The following SNED1 variants were observed in gnomAD, a reference collection of about 807,000 sequenced individuals.
SNED1 encodes sushi, nidogen and EGF like domains 1.
Under a neutral mutation model 166.7 loss-of-function variants are expected in SNED1, and 81 were observed. The ratio of observed to expected loss-of-function variants is 0.49; its 90% CI spans 0.41 to 0.58. The LOEUF (loss-of-function observed/expected upper bound fraction) is 0.58. SNED1 is among the 20% of genes least tolerant of loss of function. The pLI is 0.00. For missense variants in SNED1, 1,604 were observed against 2,000.2 expected (o/e 0.80, Z 3.78); for synonymous variants, 762 against 822.0 (o/e 0.93, Z 1.25).
rs150923118 is a variant in SNED1 at position 240,999,609 on chromosome 2, T to C, written c.213+559T>C. Reference sequence around the variant, plus strand: ...GGCGGGCTAGCAACAGGCTTGCCCCTCCCTGCCGTCCTCTCCGCAGTCTGG... The same window carrying C: ...GGCGGGCTAGCAACAGGCTTGCCCCCCCCTGCCGTCCTCTCCGCAGTCTGG... On this transcript the variant is annotated intron_variant, in intron 1 of 31. Coordinates refer to ENST00000310397, the MANE Select transcript of SNED1 (RefSeq NM_001080437.3). The surrounding 1 kb of genome is among the most constrained non-coding windows in gnomAD (Gnocchi z 5.8). Among the ~76,000 whole-genome samples, 440 of 152,232 alleles carry C rather than the reference T, an allele frequency of 2.9e-3. 11 individuals are homozygous for C. Among genetic ancestry groups the C allele is most frequent in the Admixed American group, 0.024 (361 of 15,296 alleles).
At chr2:241,048,509 G>A (rs2125084644) in intron 9 of SNED1, 69 bp downstream of exon 9, 6 of 1,528,556 alleles carry the variant, frequency 3.9e-6, no homozygotes, top group East Asian at 2.3e-5. Flanking sequence ...CCTTCCTGTG[G>A]GTGCATGCAG....
At position 241,051,782 on chromosome 2, in the gene SNED1, G is replaced by C; in HGVS notation, c.1774G>C (p.Gly592Arg). The part of the protein sequence containing the change: ...HLCSSGPCRN[G>R]GTCKEAGGEY... Reference sequence around the variant, plus strand: ...GTGCAGCTCAGGGCCCTGCCGGAACGGGGGCACGTGCAAGGAGGCGGGCGG... The same window carrying C: ...GTGCAGCTCAGGGCCCTGCCGGAACCGGGGCACGTGCAAGGAGGCGGGCGG... Residue 592 changes from glycine to arginine, a missense_variant, in exon 13 of 32, where the codon GGG (glycine) becomes CGG (arginine). By Grantham distance (125) the Gly-to-Arg change is moderately radical (BLOSUM62 -2). This residue lies in a region of SNED1 where 1,237 missense variants were observed against 1,620.8 expected (regional missense o/e 0.76). Coordinates refer to ENST00000310397, the MANE Select transcript of SNED1 (RefSeq NM_001080437.3). The surrounding 1 kb of genome is among the most constrained non-coding windows in gnomAD (Gnocchi z 4.7). 6.4e-7 allele frequency: 1 copy of C among 1,552,388 alleles called. No individual in the cohort carries two copies. Among genetic ancestry groups the C allele is most frequent in the Non-Finnish European group, 8.7e-7 (1 of 1,148,592 alleles).
chr2:241,011,963 C>T (rs549314151), intron 1 of SNED1, among the ~76,000 whole-genome samples: 134 of 152,224 alleles, frequency 8.8e-4, no homozygotes, highest in Non-Finnish European at 1.3e-3. Context: ...AGGGCAGCAG[C>T]TCTCTGGGGT....
chr2:241,006,755 G>A (rs13404119), intron 1 of SNED1, among the ~76,000 whole-genome samples: 13,646 of 152,216 alleles, frequency 0.09, 1,422 homozygotes, highest in East Asian at 0.32. Context: ...CTCAATAGCA[G>A]AGGGCACTTC....
Position 241,064,973 on chromosome 2 carries a change from G to A in SNED1, c.2713+16G>A, listed in dbSNP as rs1407426124. 27 of 1,549,528 alleles carry A rather than the reference G, an allele frequency of 1.7e-5. No homozygotes were observed. The highest frequency in any genetic ancestry group is 1.5e-4 in the African/African-American group (11 of 72,386). On this transcript the variant is annotated intron_variant, in intron 20 of 31. Transcript: ENST00000310397. This position sits in a 1 kb window ranked among gnomAD's most constrained non-coding sequence, Gnocchi z 7.0. ...TGCGCCAAAGGTGGGTGGCGAGGGCGCCTCCAGTGAGGGAGCCACGAGGGG... is the reference window on the plus strand; with the variant it reads ...TGCGCCAAAGGTGGGTGGCGAGGGCACCTCCAGTGAGGGAGCCACGAGGGG...
Position 241,028,687 on chromosome 2 carries a change from G to C in SNED1, c.214-1597G>C, listed in dbSNP as rs550394393. Among the ~76,000 whole-genome samples the C allele has an allele frequency of 7.2e-5, 11 of 152,292 alleles. 1 individual carries two copies. The South Asian group carries it at 2.3e-3, about 32-fold the overall frequency. ...GTACCACACTGATTACTGGAGATTTGTAGTAAGTTTTGAAATCTGGAAGTG... is the reference window on the plus strand; with the variant it reads ...GTACCACACTGATTACTGGAGATTTCTAGTAAGTTTTGAAATCTGGAAGTG... On this transcript the variant is annotated intron_variant, in intron 1 of 31. Coordinates refer to ENST00000310397, the MANE Select transcript of SNED1 (RefSeq NM_001080437.3).
intron 1 of SNED1, among the ~76,000 whole-genome samples, chr2:241,008,364 A>G (rs949789509): frequency 1.3e-5 from 2 of 152,126 alleles, no homozygotes; most frequent in Admixed American, 6.5e-5. Context: ...CCTGCCTCCT[A>G]TTCACCACGA....
At chr2:241,031,223 A>C (rs1280188381) in intron 2 of SNED1, among the ~76,000 whole-genome samples, 1 of 152,006 alleles carries the variant, frequency 6.6e-6, no homozygotes, top group Admixed American at 6.5e-5. Flanking sequence ...GGAGTGCAAT[A>C]GCACGATCTC....
chr2:241,073,152 C>A lies in SNED1; in HGVS notation c.3818-114C>A. 1.3e-6 allele frequency: 1 copy of A among 741,644 alleles called. No homozygotes were observed. The highest frequency in any genetic ancestry group is 2.2e-6 in the Non-Finnish European group (1 of 451,598). The allele number at this position is 741,644 out of a possible 1,614,324, so 45.9% of individuals were successfully genotyped here. ...CTGGGGCCACGCAGGGAGCCTGGTC[C>A]CCACCAGGGACATCCGTGCTCCCTG... On this transcript the variant is annotated intron_variant, in intron 26 of 31. Coordinates refer to ENST00000310397, the MANE Select transcript of SNED1 (RefSeq NM_001080437.3). The surrounding 1 kb of genome is among the most constrained non-coding windows in gnomAD (Gnocchi z 6.6).
rs2106511598 is a variant in SNED1, at chr2:240,998,810, C to T, written c.-28C>T. ...GTCCCCCAGCGCCCTGCTCCGCCAG[C>T]GCCCCGTCCCGCCCGCACACCTCCG... is the stretch of plus-strand genomic sequence containing the variant. On this transcript the variant is annotated 5_prime_UTR_variant, in exon 1 of 32. Coordinates refer to ENST00000310397, the MANE Select transcript of SNED1 (RefSeq NM_001080437.3). The T allele has an allele frequency of 8.8e-7, 1 of 1,137,326 alleles. No individual in the cohort carries two copies. The highest frequency in any genetic ancestry group is 1.1e-6 in the Non-Finnish European group (1 of 923,276). 70.5% of individuals were successfully genotyped at this position (1,137,326 alleles called of 1,614,324 possible). A position where few individuals can be genotyped will look rare whatever the true frequency, so the allele number is the denominator to read the frequency against.
intron 2 of SNED1, 25 bp from the exon 3 acceptor site, chr2:241,033,710 C>T (rs1380200424): frequency 6.2e-7 from 1 of 1,603,778 alleles, no homozygotes; most frequent in Admixed American, 1.7e-5. Flanking sequence ...GTGCAGGGCC[C>T]TGTTCAGCCC....
Position 241,065,397 on chromosome 2 carries a change from C to T in SNED1, c.2812C>T (p.Leu938Phe). Residue 938 changes from leucine to phenylalanine, a missense_variant, in exon 21 of 32, where the codon CTT becomes TTT. Transcript: ENST00000310397. ...CAATGGTCCAGCCGCCAGGCAGATG[C>T]TTGATGGCTACGCGGTCACCTACGT... is the stretch of plus-strand genomic sequence containing the variant. ...PPNGPAARQM[L>F]DGYAVTYVSS... 1 of 1,613,258 alleles carries T rather than the reference C, an allele frequency of 6.2e-7. No individual in the cohort carries two copies. The highest frequency in any genetic ancestry group is 1.1e-5 in the South Asian group (1 of 91,088).
chr2:241,063,898 C>A, intron 18 of SNED1, 114 bp from the exon 19 acceptor site: 1 of 862,880 alleles, frequency 1.2e-6, no homozygotes. Flanking sequence ...CCCACTGCCC[C>A]TCTCTCCTGG....
At chr2:241,089,813 C>T (rs548996963) in intron 31 of SNED1, among the ~76,000 whole-genome samples, 20 of 152,382 alleles carry the variant, frequency 1.3e-4, no homozygotes, top group African/African-American at 3.1e-4. Context: ...TAGATGGCAC[C>T]GCGTACTGCG....
At chr2:241,025,285 A>C (rs1228574731) in intron 1 of SNED1, among the ~76,000 whole-genome samples, 2 of 152,250 alleles carry the variant, frequency 1.3e-5, no homozygotes, top group African/African-American at 2.4e-5. Flanking sequence ...TTCATCTGCA[A>C]ACCATCCCCA....
chr2:241,038,798 T>C (rs768744654), intron 6 of SNED1, among the ~76,000 whole-genome samples: 1 of 152,194 alleles, frequency 6.6e-6, no homozygotes, highest in Non-Finnish European at 1.5e-5. Context: ...TGCTCAGTGC[T>C]CTCCCTGTGC....
chr2:241,044,618 G>A (rs73110177), intron 8 of SNED1, among the ~76,000 whole-genome samples: 391 of 152,290 alleles, frequency 2.6e-3, no homozygotes, highest in African/African-American at 8.5e-3. Context: ...GCATCCACAC[G>A]GACAGAAAGA....
At chr2:241,031,763 A>G (rs1277670266) in intron 2 of SNED1, among the ~76,000 whole-genome samples, 1 of 152,184 alleles carries the variant, frequency 6.6e-6, no homozygotes, top group Non-Finnish European at 1.5e-5. Context: ...TCCGAGTGTT[A>G]GCACTTACGT....
chr2:241,065,251 C>T, intron 20 of SNED1, 48 bp from the exon 21 acceptor site: 1 of 1,599,574 alleles, frequency 6.3e-7, no homozygotes, highest in Non-Finnish European at 8.5e-7. Flanking sequence ...GCATGCATAG[C>T]TAACGGCTGA....
Sources: gnomAD v4.1 joint callset for allele counts (sites outside exome capture counted in the v4.1 genomes callset) on GRCh38, gnomAD v4.1.1 for gene constraint, gnomAD v4.1.1 regional missense constraint, Gnocchi (gnomAD v3.1) non-coding constraint, MANE v1.5 for transcripts, NCBI Gene and HGNC (gene_info 2026-07-23, HGNC 2026-07-21) for gene names.